Variants in PAN3 observed in about 807,000 individuals in gnomAD.
The protein encoded by PAN3 is poly(A) specific ribonuclease subunit PAN3, also known as PAN2-PAN3 deadenylation complex subunit PAN3.
A neutral mutation model predicts 96.2 loss-of-function variants in PAN3; 19 were observed. The observed-to-expected ratio is 0.20, with a 90% CI of 0.14 to 0.29. The LOEUF (loss-of-function observed/expected upper bound fraction) is 0.29, where lower values mean the gene tolerates loss of function less well. Among genes scored for constraint, PAN3 ranks in the 10% least tolerant of loss-of-function variants. The pLI is 1.00. For missense variants in PAN3, 882 were observed against 1,108.1 expected (o/e 0.80, Z 2.90); for synonymous variants, 433 against 406.6 (o/e 1.06, Z -0.78).
intron 13 of PAN3, among the ~76,000 whole-genome samples, chr13:28,271,637 T>A (rs1344792785): frequency 6.6e-6 from 1 of 152,186 alleles, no homozygotes; most frequent in Non-Finnish European, 1.5e-5. Context: ...CTGGTACATC[T>A]TTTGCAAGTG....
intron 9 of PAN3, among the ~76,000 whole-genome samples, chr13:28,265,528 C>G (rs1291238530): frequency 6.6e-6 from 1 of 152,128 alleles, no homozygotes; most frequent in Admixed American, 6.5e-5. Context: ...CCTTATTATC[C>G]TCATTTATGA....
chr13:28,193,330 T>C (rs1036258678), intron 4 of PAN3, among the ~76,000 whole-genome samples: 1 of 152,166 alleles, frequency 6.6e-6, no homozygotes, highest in African/African-American at 2.4e-5. Context: ...TTTAGGCTAG[T>C]TAAGGGTTTT....
chr13:28,264,355 A>G (rs145156987), intron 9 of PAN3, among the ~76,000 whole-genome samples: 4,676 of 152,250 alleles, frequency 0.031, 99 homozygotes, highest in Non-Finnish European at 0.049. Context: ...CCTGGCCAAC[A>G]TGGCAAAACC....
chr13:28,149,228 C>T (rs2137957768), intron 1 of PAN3, among the ~76,000 whole-genome samples: 1 of 152,158 alleles, frequency 6.6e-6, no homozygotes, highest in Middle Eastern at 3.4e-3. Context: ...TGGTGGTGCA[C>T]CTGTAGTCCC....
At chr13:28,261,627 G>A (rs1885729509) in intron 9 of PAN3, among the ~76,000 whole-genome samples, 169 bp downstream of exon 9, 1 of 152,154 alleles carries the variant, frequency 6.6e-6, no homozygotes, top group African/African-American at 2.4e-5. Context: ...GAGCCCAGAA[G>A]TTTGAGACTA....
In PAN3 at chr13:28,138,990, C is replaced by A; in HGVS notation, c.333C>A (p.Pro111=). Residue 111 remains proline, a synonymous_variant, in exon 1 of 19, where the codon CCC becomes CCA. Transcript: ENST00000380958. ...GAVAGGGAGP[P]PGPKKPDLGD... ...TCGCGGGCGGGGGAGCTGGGCCGCC[C>A]CCCGGGCCCAAGAAGCCGGACCTGG... is the stretch of plus-strand genomic sequence containing the variant. 7.9e-7 allele frequency: 1 copy of A among 1,273,226 alleles called. No homozygotes were observed. The highest frequency in any genetic ancestry group is 1.5e-5 in the African/African-American group (1 of 64,726). 78.9% of individuals were successfully genotyped at this position (1,273,226 alleles called of 1,614,324 possible).
rs532090368 is a variant in PAN3, at chr13:28,142,234, G to T, written c.430+3147G>T. Among the ~76,000 whole-genome samples, 12 of 152,294 alleles carry T rather than the reference G, an allele frequency of 7.9e-5. No homozygotes were observed. The South Asian group carries it at 2.5e-3, about 32-fold the overall frequency. On this transcript the variant is annotated intron_variant, in intron 1 of 18. Transcript: ENST00000380958. ...AGGAAAAAAGGTTGTGTTGGTAATT[G>T]TATGGCTTTTTTGAGTTTTTACACT...
chr13:28,139,560 G>A (rs1287508682), intron 1 of PAN3, among the ~76,000 whole-genome samples: 4 of 148,070 alleles, frequency 2.7e-5, no homozygotes, highest in African/African-American at 7.6e-5. Context: ...GTAGGGGGCG[G>A]GAGGTGAGGG....
rs1370054896 is a variant in PAN3 at position 28,138,609 on chromosome 13, CGGCGGCGGCTCCTCG to C, written c.-39_-25del. On this transcript the variant is annotated 5_prime_UTR_variant, in exon 1 of 19. Coordinates refer to ENST00000380958, the MANE Select transcript of PAN3 (RefSeq NM_175854.8). ...TTTCCTCCCCCGTCTATGGTGGTGG[CGGCGGCGGCTCCTCG>C]GGCGGCGGCGGAAGACGAGGCTGCG... 1.2e-5 allele frequency: 6 copies of C among 482,380 alleles called. No homozygotes were observed. The highest frequency in any genetic ancestry group is 3.8e-5 in the South Asian group (1 of 26,036). 29.9% of individuals were successfully genotyped at this position (482,380 alleles called of 1,614,324 possible). A position where few individuals can be genotyped will look rare whatever the true frequency, so the allele number is the denominator to read the frequency against.
At chr13:28,232,142 C>T (rs1050569765) in intron 6 of PAN3, among the ~76,000 whole-genome samples, 4 of 152,036 alleles carry the variant, frequency 2.6e-5, no homozygotes, top group Non-Finnish European at 5.9e-5. Flanking sequence ...TTTGTAATAT[C>T]TTTGTAGTCT....
chr13:28,157,680 A>C lies in PAN3; in HGVS notation c.431-16592A>C, dbSNP rs182373194. Among the ~76,000 whole-genome samples the C allele has an allele frequency of 2.6e-5, 4 of 152,366 alleles. No individual in the cohort carries two copies. The East Asian group carries it at 7.7e-4, about 29-fold the overall frequency. On this transcript the variant is annotated intron_variant, in intron 1 of 18. Coordinates refer to ENST00000380958, the MANE Select transcript of PAN3 (RefSeq NM_175854.8). Reference sequence around the variant, plus strand: ...GTGAAAGAGCTCTACAATGATAATTAGGAAACACTGCTAAAATAAATCAGA... The same window carrying C: ...GTGAAAGAGCTCTACAATGATAATTCGGAAACACTGCTAAAATAAATCAGA...
At chr13:28,170,622 A>G (rs1028418281) in intron 1 of PAN3, among the ~76,000 whole-genome samples, 25 of 152,196 alleles carry the variant, frequency 1.6e-4, no homozygotes, top group African/African-American at 6.0e-4. Flanking sequence ...ATTGTACTCT[A>G]TTTTGGAGTA....
In PAN3 at chr13:28,254,579, T is replaced by C. The variant is rs552256971; in HGVS notation, c.1001-1713T>C. Among the ~76,000 whole-genome samples the C allele has an allele frequency of 7.9e-5, 12 of 152,310 alleles. No individual in the cohort carries two copies. In the East Asian group the frequency reaches 2.1e-3, roughly 27 times the overall value. Reference sequence around the variant, plus strand: ...TTTATCCATTGATAATAGTCTAATATAATTTTTGCTGTATGGATTAACCTT... The same window carrying C: ...TTTATCCATTGATAATAGTCTAATACAATTTTTGCTGTATGGATTAACCTT... On this transcript the variant is annotated intron_variant, in intron 6 of 18. Transcript: ENST00000380958.
chr13:28,147,424 C>CTT (rs149000804), intron 1 of PAN3, among the ~76,000 whole-genome samples: 2,875 of 152,252 alleles, frequency 0.019, 102 homozygotes, highest in African/African-American at 0.066. Context: ...CAATAAAACC[C>CTT]TTGTTAAGTA....
intron 8 of PAN3, among the ~76,000 whole-genome samples, chr13:28,261,103 A>AC (rs1885682172): frequency 1.3e-5 from 2 of 152,164 alleles, no homozygotes; most frequent in African/African-American, 4.8e-5. Flanking sequence ...TTACCAGTTT[A>AC]CTAGTAGACC....
At chr13:28,215,260 C>T in intron 5 of PAN3, 1 of 708,776 alleles carries the variant, frequency 1.4e-6, no homozygotes, top group Non-Finnish European at 2.6e-6. Context: ...TTGCACCAGC[C>T]TCTCCAGGGT....
intron 5 of PAN3, among the ~76,000 whole-genome samples, chr13:28,219,668 T>C (rs1159655957): frequency 1.3e-5 from 2 of 152,258 alleles, no homozygotes; most frequent in African/African-American, 4.8e-5. Flanking sequence ...TCACGCATGG[T>C]ACTGCATGGG....
chr13:28,182,219 G>A lies in PAN3; in HGVS notation c.690+4284G>A, dbSNP rs142265686. Reference sequence around the variant, plus strand: ...GCTGATGATTCTTGCTAAGATAGAAGTGTTTATGTAGGGCAACCATGTATG... The same window carrying A: ...GCTGATGATTCTTGCTAAGATAGAAATGTTTATGTAGGGCAACCATGTATG... On this transcript the variant is annotated intron_variant, in intron 4 of 18. Transcript: ENST00000380958. 1.4e-4 allele frequency among the ~76,000 whole-genome samples: 21 copies of A among 152,314 alleles called. No individual in the cohort carries two copies. In the East Asian group the frequency reaches 3.1e-3, roughly 22 times the overall value.
chr13:28,138,669 C>A lies in PAN3; in HGVS notation c.12C>A (p.Gly4=). 1.3e-6 allele frequency: 1 copy of A among 747,270 alleles called. No homozygotes were observed. Among genetic ancestry groups the A allele is most frequent in the Non-Finnish European group, 1.9e-6 (1 of 519,764 alleles). 46.3% of individuals were successfully genotyped at this position (747,270 alleles called of 1,614,324 possible). The stretch of plus-strand genomic sequence containing the variant: ...GCTGCGGCGTTGCCATGAACAGTGG[C>A]GGCGGCCTCCCGCCCCCCTCGGCCG... MNS[G]GGLPPPSAAA... Residue 4 remains glycine, a synonymous_variant, in exon 1 of 19, where the codon GGC becomes GGA. Transcript: ENST00000380958.
Sources: gnomAD v4.1 joint callset for allele counts (sites outside exome capture counted in the v4.1 genomes callset) on GRCh38, gnomAD v4.1.1 for gene constraint, MANE v1.5 for transcripts, NCBI Gene and HGNC (gene_info 2026-07-23, HGNC 2026-07-21) for gene names.